The following MYCBP2 variants were observed in gnomAD, a reference collection of about 807,000 sequenced individuals.
MYCBP2 encodes the protein E3 ubiquitin-protein ligase MYCBP2.
Under a neutral mutation model 525.3 loss-of-function variants are expected in MYCBP2, and 120 were observed. The ratio of observed to expected loss-of-function variants is 0.23; its 90% confidence interval spans 0.20 to 0.27. MYCBP2 has a LOEUF of 0.27. Ranked by LOEUF, MYCBP2 falls within the 10% of genes least tolerant of loss-of-function variation. The pLI is 1.00. For synonymous variants in MYCBP2, 1,894 were observed against 1,955.8 expected, an observed-to-expected ratio of 0.97 and a Z score of 0.83; for missense variants, 4,149 against 5,657.1, an observed-to-expected ratio of 0.73 and a Z score of 8.55.
intron 59 of MYCBP2, 97 bp from the exon 60 acceptor site, chr13:77,090,360 T>C (rs976849371): frequency 2.1e-5 from 21 of 1,014,286 alleles, no homozygotes; most frequent in Non-Finnish European, 2.7e-5. Flanking sequence ...CAATATTTCA[T>C]GTGGAGAAAC....
At chr13:77,166,050 C>T (rs142567657) in intron 41 of MYCBP2, among the ~76,000 whole-genome samples, 1 of 152,268 alleles carries the variant, frequency 6.6e-6, no homozygotes, top group East Asian at 1.9e-4. Flanking sequence ...GACCCAACTA[C>T]ACAGACAGCT....
At chr13:77,249,188 T>C (rs563467678) in intron 15 of MYCBP2, among the ~76,000 whole-genome samples, 1 of 152,198 alleles carries the variant, frequency 6.6e-6, no homozygotes, top group South Asian at 2.1e-4. Flanking sequence ...TGGAGATGCA[T>C]GGTGGTAATA....
At chr13:77,183,438 G>C (rs1379254509) in intron 32 of MYCBP2, among the ~76,000 whole-genome samples, 1 of 147,970 alleles carries the variant, frequency 6.8e-6, no homozygotes, top group African/African-American at 2.5e-5. Flanking sequence ...ATTTCTTAAT[G>C]TGTTAGTTTT....
chr13:77,185,923 G>A lies in MYCBP2; in HGVS notation c.4392C>T (p.Thr1464=), dbSNP rs1206139246. ...LDLERLRFVG[T]CCLRLLRVYT... ...AGACACGCAATAACCTCAGACAACA[G>A]GTACCCACAAAGCGCAGTCTCTCTA... is the stretch of plus-strand genomic sequence containing the variant. Residue 1464 remains threonine, a synonymous_variant, in exon 31 of 83, where the codon ACC becomes ACT. Coordinates refer to ENST00000544440, the MANE Select transcript of MYCBP2 (RefSeq NM_015057.5). The A allele has an allele frequency of 1.2e-6, 2 of 1,612,860 alleles. No individual in the cohort carries two copies. Among genetic ancestry groups the A allele is most frequent in the South Asian group, 2.2e-5 (2 of 90,888 alleles).
In MYCBP2 at chr13:77,150,928, C is replaced by G. The variant is rs1411348897; in HGVS notation, c.6937G>C (p.Val2313Leu). ...TGTAAAGACATTTTTTTCTGAGAAA[C>G]AGGGACAGCTTTCACTTCCACCTAA... ...NMKVEVKAVP[V>L]SQKKMSLQQD... The change falls in exon 47 of 83, where the codon GTT becomes CTT. Residue 2313 changes from valine (V) to leucine (L), a missense_variant. Transcript: ENST00000544440. The G allele has an allele frequency of 6.2e-7, 1 of 1,613,850 alleles. No homozygotes were observed. Among genetic ancestry groups the G allele is most frequent in the Non-Finnish European group, 8.5e-7 (1 of 1,179,938 alleles).
chr13:77,244,838 A>G (rs2069574742), intron 15 of MYCBP2, among the ~76,000 whole-genome samples: 1 of 152,226 alleles, frequency 6.6e-6, no homozygotes, highest in Non-Finnish European at 1.5e-5. Context: ...CAACCCCATC[A>G]AAAAGTGGGC....
intron 47 of MYCBP2, among the ~76,000 whole-genome samples, chr13:77,149,384 A>T (rs2056122433): frequency 1.3e-5 from 2 of 151,444 alleles, no homozygotes; most frequent in Non-Finnish European, 2.9e-5. Context: ...GTGCTTGGAA[A>T]TCTTTTTTTT....
Position 77,167,026 on chromosome 13 carries a change from C to T in MYCBP2, c.6115-472G>A, listed in dbSNP as rs552682038. 4.0e-4 allele frequency among the ~76,000 whole-genome samples: 45 copies of T among 112,896 alleles called. No homozygotes were observed. In the East Asian group the frequency reaches 0.011, roughly 27 times the overall value. The allele number at this position is 112,896 out of a possible 152,430, so 74.1% of individuals were successfully genotyped here. ...ACACACACACACACACACACACACACCAAATGAAATAATTTAATGATTTTC... is the reference window on the plus strand; with the variant it reads ...ACACACACACACACACACACACACATCAAATGAAATAATTTAATGATTTTC... On this transcript the variant is annotated intron_variant, in intron 40 of 82. Transcript: ENST00000544440.
At chr13:77,321,442 T>G (rs970085438) in intron 1 of MYCBP2, among the ~76,000 whole-genome samples, 1 of 152,252 alleles carries the variant, frequency 6.6e-6, no homozygotes, top group Admixed American at 6.5e-5. Context: ...CAATCCCGCA[T>G]TACTTCCTGA....
rs112996971 is a variant in MYCBP2, at chr13:77,206,853, C to A, written c.3417-28G>T. ...TTAAAGAAAAAGAATAATTACAGCA[C>A]CTCAATGTGGTTTTGTTTTTAAAAA... On this transcript the variant is annotated intron_variant, in intron 23 of 82. Coordinates refer to ENST00000544440, the MANE Select transcript of MYCBP2 (RefSeq NM_015057.5). 26 of 1,532,018 alleles carry A rather than the reference C, an allele frequency of 1.7e-5. No homozygotes were observed. The African/African-American group carries it at 2.4e-4, about 14-fold the overall frequency. 94.9% of individuals were successfully genotyped at this position (1,532,018 alleles called of 1,614,324 possible). A position where few individuals can be genotyped will look rare whatever the true frequency, so the allele number is the denominator to read the frequency against.
chr13:77,068,355 C>T (rs891689307), intron 70 of MYCBP2, among the ~76,000 whole-genome samples: 10 of 148,216 alleles, frequency 6.7e-5, no homozygotes, highest in Admixed American at 3.4e-4. Flanking sequence ...CTTATCACAA[C>T]ACATTAATAA....
At chr13:77,285,344 T>C (rs2076617682) in intron 3 of MYCBP2, among the ~76,000 whole-genome samples, 1 of 152,216 alleles carries the variant, frequency 6.6e-6, no homozygotes, top group African/African-American at 2.4e-5. Context: ...AAGTAAATTA[T>C]ACAAGTCCTC....
At chr13:77,186,712 C>CA (rs2060753844) in intron 30 of MYCBP2, among the ~76,000 whole-genome samples, 1 of 151,822 alleles carries the variant, frequency 6.6e-6, no homozygotes, top group Non-Finnish European at 1.5e-5. Context: ...GGTTAAATGA[C>CA]AACAGATACC....
chr13:77,179,892 T>C (rs2060054932), intron 34 of MYCBP2, among the ~76,000 whole-genome samples: 1 of 152,146 alleles, frequency 6.6e-6, no homozygotes, highest in Admixed American at 6.5e-5. Context: ...CGACCTGCTC[T>C]ATGAGGAAAA....
intron 52 of MYCBP2, among the ~76,000 whole-genome samples, chr13:77,126,955 A>C (rs1289805478): frequency 2.0e-5 from 3 of 152,090 alleles, no homozygotes; most frequent in Admixed American, 6.5e-5. Context: ...AAAAAGTCTA[A>C]ATATTCATTT....
At chr13:77,139,453 G>A (rs778597055) in intron 51 of MYCBP2, 117 bp from the exon 52 acceptor site, 14 of 1,158,630 alleles carry the variant, frequency 1.2e-5, no homozygotes, top group South Asian at 9.2e-5. Flanking sequence ...TAAGCATCTA[G>A]TTTTTGCAGA....
chr13:77,251,337 A>G lies in MYCBP2; in HGVS notation c.2195T>C (p.Met732Thr), dbSNP rs567411586. ...QGGKGFGVEN[M>T]ATAMDEDLEE... is the part of the protein sequence containing the mutation. Reference sequence around the variant, plus strand: ...CAGGTCTTCATCCATTGCTGTTGCCATATTTTCAACTCCAAACCCTATTTG... The same window carrying G: ...CAGGTCTTCATCCATTGCTGTTGCCGTATTTTCAACTCCAAACCCTATTTG... Residue 732 changes from methionine to threonine, a missense_variant, in exon 15 of 83, where the codon ATG becomes ACG. Physicochemically the swap from Met to Thr is moderately conservative, Grantham distance 81. Around this residue, in one of 21 missense-constraint regions of MYCBP2, gnomAD observed 620 missense variants for 795.5 expected, o/e 0.78. Transcript: ENST00000544440. 1.2e-6 allele frequency: 2 copies of G among 1,614,138 alleles called. No homozygotes were observed. The highest frequency in any genetic ancestry group is 1.6e-4 in the Middle Eastern group (1 of 6,062).
intron 55 of MYCBP2, among the ~76,000 whole-genome samples, chr13:77,117,681 A>G (rs2050019890): frequency 6.6e-6 from 1 of 152,182 alleles, no homozygotes; most frequent in South Asian, 2.1e-4. Context: ...CTGAATGCCA[A>G]GAAGAACACA....
intron 82 of MYCBP2, among the ~76,000 whole-genome samples, chr13:77,048,711 T>C (rs945288472): frequency 6.6e-6 from 1 of 152,146 alleles, no homozygotes; most frequent in South Asian, 2.1e-4. Flanking sequence ...CAAATATGTG[T>C]GAAAATGCCC....
Sources: allele counts gnomAD v4.1 joint callset (sites outside exome capture counted in the v4.1 genomes callset), GRCh38; gene constraint gnomAD v4.1.1; regional missense constraint gnomAD v4.1.1; transcripts MANE v1.5; gene names NCBI Gene and HGNC (gene_info 2026-07-23, HGNC 2026-07-21).